Variants in KCND3 observed in about 807,000 individuals in gnomAD.
KCND3 encodes the protein A-type voltage-gated potassium channel KCND3.
In KCND3, 9 loss-of-function variants were observed where a neutral mutation model predicts 51.1. The observed-to-expected ratio is 0.18, with a 90% CI of 0.11 to 0.31. The LOEUF is 0.31. KCND3 is among the 10% of genes least tolerant of loss of function. The probability of loss-of-function intolerance (pLI) is 1.00; values close to 1 mark genes in which losing one functional copy is unlikely to be tolerated. For synonymous variants in KCND3, 349 were observed against 368.0 expected (o/e 0.95, Z 0.59); for missense variants, 526 against 903.8 (o/e 0.58, Z 5.36).
At chr1:111,971,997 A>T (rs1674352805) in intron 2 of KCND3, among the ~76,000 whole-genome samples, 1 of 152,102 alleles carries the variant, frequency 6.6e-6, no homozygotes, top group Non-Finnish European at 1.5e-5. Flanking sequence ...TTCCACATTC[A>T]TCCAGAAGAC....
intron 2 of KCND3, among the ~76,000 whole-genome samples, chr1:111,849,306 T>C (rs1571736327): frequency 6.6e-6 from 1 of 152,226 alleles, no homozygotes; most frequent in Non-Finnish European, 1.5e-5. Flanking sequence ...CCATCAGCTG[T>C]GCCACAGCAC....
intron 2 of KCND3, among the ~76,000 whole-genome samples, chr1:111,912,289 A>T (rs551812907): frequency 1.6e-4 from 24 of 152,370 alleles, no homozygotes; most frequent in African/African-American, 5.3e-4. Flanking sequence ...CCTATCACCT[A>T]GTGACATAGT....
chr1:111,770,878 G>C lies in KCND3; in HGVS notation c.*5199C>G, dbSNP rs1663888904. On this transcript the variant is annotated 3_prime_UTR_variant, in exon 8 of 8. Coordinates refer to ENST00000302127, the MANE Select transcript of KCND3 (RefSeq NM_001378969.1). ...GTTTTGTACAGTATATTTCTTCTTT[G>C]CCATTGTGATGTTGATAAGCAAAGC... 6.7e-6 allele frequency: 1 copy of C among 150,052 alleles called. No homozygotes were observed. Among genetic ancestry groups the C allele is most frequent in the Non-Finnish European group, 1.5e-5 (1 of 67,582 alleles). The allele number at this position is 150,052 out of a possible 1,614,324, so 9.3% of individuals were successfully genotyped here. A position where few individuals can be genotyped will look rare whatever the true frequency, so the allele number is the denominator to read the frequency against.
At chr1:111,826,725 C>T (rs1666592267) in intron 2 of KCND3, among the ~76,000 whole-genome samples, 1 of 152,138 alleles carries the variant, frequency 6.6e-6, no homozygotes, top group African/African-American at 2.4e-5. Context: ...GAGCAAAATC[C>T]CTACTACTGG....
intron 2 of KCND3, among the ~76,000 whole-genome samples, chr1:111,799,645 C>A (rs1665205026): frequency 6.6e-6 from 1 of 152,176 alleles, no homozygotes. Flanking sequence ...CTGCACCAGC[C>A]CTGTCACCAA....
In KCND3 at chr1:111,886,845, C is replaced by T. The variant is rs995204892; in HGVS notation, c.1106+94776G>A. ...TTTGTGTGACCCCAACACATATATG[C>T]TTGACCACTAAGCCTCCTTCCTGAA... On this transcript the variant is annotated intron_variant, in intron 2 of 7. Coordinates refer to ENST00000302127, the MANE Select transcript of KCND3 (RefSeq NM_001378969.1). 3.3e-5 allele frequency among the ~76,000 whole-genome samples: 5 copies of T among 152,204 alleles called. 1 individual carries two copies. The highest frequency in any genetic ancestry group is 3.8e-4 in the East Asian group (2 of 5,196).
In KCND3 at chr1:111,775,976, A is replaced by G. The variant is rs546418138; in HGVS notation, c.*101T>C. 2 of 1,305,598 alleles carry G rather than the reference A, an allele frequency of 1.5e-6. No individual in the cohort carries two copies. The highest frequency in any genetic ancestry group is 1.2e-5 in the South Asian group (1 of 83,264). The allele number at this position is 1,305,598 out of a possible 1,614,324, so 80.9% of individuals were successfully genotyped here. ...TAGGGGTACAATGGGGCAGGCAGAA[A>G]TAGTGGGGAAAGGGGGGAGGGAGTG... On this transcript the variant is annotated 3_prime_UTR_variant, in exon 8 of 8. Transcript: ENST00000302127.
intron 3 of KCND3, among the ~76,000 whole-genome samples, chr1:111,784,144 C>CACACACACACACACACA (rs59742862): frequency 2.7e-5 from 4 of 149,258 alleles, no homozygotes; most frequent in Admixed American, 6.7e-5. Context: ...CACACACACA[C>CACACACACACACACACA]CAGTCCAAGT....
At chr1:111,955,891 G>C (rs1673313373) in intron 2 of KCND3, among the ~76,000 whole-genome samples, 1 of 152,158 alleles carries the variant, frequency 6.6e-6, no homozygotes, top group South Asian at 2.1e-4. Context: ...AGGAGGCAGA[G>C]GGAACTAATA....
intron 2 of KCND3, among the ~76,000 whole-genome samples, chr1:111,956,963 A>C (rs1673372072): frequency 6.6e-6 from 1 of 152,200 alleles, no homozygotes; most frequent in African/African-American, 2.4e-5. Context: ...CTCTTCCTTA[A>C]CAAAAGTGGA....
chr1:111,945,431 G>A (rs1672733224), intron 2 of KCND3, among the ~76,000 whole-genome samples: 1 of 152,180 alleles, frequency 6.6e-6, no homozygotes, highest in African/African-American at 2.4e-5. Context: ...GCCAGTTTCA[G>A]ACACTGTACT....
Position 111,911,536 on chromosome 1 carries a change from T to C in KCND3, c.1106+70085A>G, listed in dbSNP as rs1025588620. Among the ~76,000 whole-genome samples the C allele has an allele frequency of 4.6e-5, 7 of 152,330 alleles. No individual in the cohort carries two copies. The East Asian group carries it at 9.6e-4, about 21-fold the overall frequency. On this transcript the variant is annotated intron_variant, in intron 2 of 7. Transcript: ENST00000302127. ...CAACGTTTATTGAGTACCAAATCCA[T>C]GTACCAGCTGCTGTATATAGTTATA...
chr1:111,898,998 G>C (rs1052360291), intron 2 of KCND3, among the ~76,000 whole-genome samples: 41 of 152,172 alleles, frequency 2.7e-4, no homozygotes, highest in African/African-American at 9.4e-4. Flanking sequence ...GCCAGGAACA[G>C]GGTGGCATAA....
intron 2 of KCND3, among the ~76,000 whole-genome samples, chr1:111,942,481 T>C (rs1672572809): frequency 6.6e-6 from 1 of 152,224 alleles, no homozygotes. Context: ...TCAAGGTTGC[T>C]CTGCTTTGCT....
chr1:111,853,799 T>C (rs1171181009), intron 2 of KCND3: 1 of 152,250 alleles, frequency 6.6e-6, no homozygotes, highest in African/African-American at 2.4e-5. Context: ...GAATAAATGA[T>C]TAACCTCAGT....
chr1:111,902,145 T>A (rs558449999), intron 2 of KCND3, among the ~76,000 whole-genome samples: 3 of 152,058 alleles, frequency 2.0e-5, no homozygotes, highest in Non-Finnish European at 2.9e-5. Flanking sequence ...GGCCAGTGGG[T>A]CCGAGATAGG....
chr1:111,922,937 G>A (rs189912741), intron 2 of KCND3, among the ~76,000 whole-genome samples: 3 of 152,280 alleles, frequency 2.0e-5, no homozygotes, highest in East Asian at 1.9e-4. Flanking sequence ...CCTGCCTTAA[G>A]GCTAATGTCT....
intron 2 of KCND3, among the ~76,000 whole-genome samples, chr1:111,952,619 C>T (rs561211287): frequency 6.6e-6 from 1 of 152,332 alleles, no homozygotes; most frequent in African/African-American, 2.4e-5. Flanking sequence ...GAACATCCCT[C>T]TTGGCTTCTC....
intron 2 of KCND3, among the ~76,000 whole-genome samples, chr1:111,950,811 C>T (rs992702640): frequency 1.3e-5 from 2 of 152,148 alleles, no homozygotes; most frequent in Non-Finnish European, 1.5e-5. Flanking sequence ...AAAGAGGACC[C>T]CAAGTTTCTG....
Sources: gnomAD v4.1 joint callset for allele counts (sites outside exome capture counted in the v4.1 genomes callset) on GRCh38, gnomAD v4.1.1 for gene constraint, MANE v1.5 for transcripts, NCBI Gene and HGNC (gene_info 2026-07-23, HGNC 2026-07-21) for gene names.